KREMEN1: variants seen among roughly 807,000 people sequenced by gnomAD.
The protein encoded by KREMEN1 is kremen protein 1.
KREMEN1 carries 30 observed loss-of-function variants against 46.5 expected under a neutral mutation model. That is an observed-to-expected ratio of 0.65 (90% CI 0.48 to 0.88). The LOEUF (loss-of-function observed/expected upper bound fraction) is 0.88, where lower values mean the gene tolerates loss of function less well. Among genes scored for constraint, KREMEN1 ranks in the 40% least tolerant of loss-of-function variants. The pLI, the probability that KREMEN1 is intolerant of heterozygous loss-of-function variation, is 0.00. For missense variants in KREMEN1, 533 were observed against 596.9 expected (o/e 0.89, Z 1.11); for synonymous variants, 214 against 230.6 (o/e 0.93, Z 0.65).
intron 7 of KREMEN1, among the ~76,000 whole-genome samples, chr22:29,139,518 G>A (rs1465362658): frequency 2.6e-5 from 4 of 152,164 alleles, no homozygotes; most frequent in East Asian, 1.9e-4. Context: ...TGGGAGGATC[G>A]CTTGAGCCCA....
chr22:29,101,687 T>C (rs1227443412), intron 3 of KREMEN1, among the ~76,000 whole-genome samples: 1 of 152,240 alleles, frequency 6.6e-6, no homozygotes, highest in African/African-American at 2.4e-5. Flanking sequence ...CTTACCATTA[T>C]GTTACAGTTG....
At chr22:29,106,972 A>ATGGGATC (rs1327314511) in intron 3 of KREMEN1, among the ~76,000 whole-genome samples, 1 of 152,082 alleles carries the variant, frequency 6.6e-6, no homozygotes, top group Non-Finnish European at 1.5e-5. Flanking sequence ...GCAGGCTGAG[A>ATGGGATC]TGGGATCTGG....
chr22:29,095,206 C>T (rs1178553155), intron 2 of KREMEN1, among the ~76,000 whole-genome samples: 2 of 152,184 alleles, frequency 1.3e-5, no homozygotes, highest in East Asian at 1.9e-4. Context: ...CAGCTGTATC[C>T]ATCAGATGTG....
rs566213288 is a variant in KREMEN1 at position 29,156,830 on chromosome 22, A to T, written c.1417-10214A>T. ...GACCAGGCTCCCCGCTCAACTCTAC[A>T]TACGGTGCCTTATTTCCTTTGACTC... is the stretch of plus-strand genomic sequence containing the variant. On this transcript the variant is annotated intron_variant, in intron 9 of 9. Transcript: ENST00000327813. Among the ~76,000 whole-genome samples, 4 of 152,312 alleles carry T rather than the reference A, an allele frequency of 2.6e-5. 1 individual carries two copies. The highest frequency in any genetic ancestry group is 9.6e-5 in the African/African-American group (4 of 41,570).
chr22:29,092,592 G>A (rs2037821276), intron 1 of KREMEN1, among the ~76,000 whole-genome samples: 1 of 152,204 alleles, frequency 6.6e-6, no homozygotes, highest in Non-Finnish European at 1.5e-5. Context: ...GAACTTATTT[G>A]TGCAGACTCT....
At chr22:29,106,833 G>A (rs1488741122) in intron 3 of KREMEN1, among the ~76,000 whole-genome samples, 1 of 152,190 alleles carries the variant, frequency 6.6e-6, no homozygotes, top group Non-Finnish European at 1.5e-5. Flanking sequence ...TATTAAGATT[G>A]CTTTTGTGAC....
At chr22:29,165,393 G>A (rs1416809227) in intron 9 of KREMEN1, among the ~76,000 whole-genome samples, 10 of 150,580 alleles carry the variant, frequency 6.6e-5, no homozygotes. Context: ...CAGAGCAAGA[G>A]CCTGTCACAA....
intron 3 of KREMEN1, among the ~76,000 whole-genome samples, chr22:29,111,261 T>A (rs1162896810): frequency 6.6e-6 from 1 of 150,712 alleles, no homozygotes; most frequent in African/African-American, 2.4e-5. Context: ...TGAGTATGAT[T>A]GTATCACTGC....
At chr22:29,093,873 G>A (rs1183339758) in intron 1 of KREMEN1, among the ~76,000 whole-genome samples, 2 of 152,208 alleles carry the variant, frequency 1.3e-5, no homozygotes, top group Non-Finnish European at 2.9e-5. Context: ...AGCCACTGGC[G>A]AGAGCAGTGA....
intron 5 of KREMEN1, among the ~76,000 whole-genome samples, chr22:29,126,549 A>G (rs1338591468): frequency 1.3e-5 from 2 of 152,116 alleles, no homozygotes; most frequent in African/African-American, 4.8e-5. Flanking sequence ...GGAACCAATC[A>G]TTGGATTTAG....
chr22:29,138,654 C>T lies in KREMEN1; in HGVS notation c.995C>T (p.Pro332Leu), dbSNP rs760095018. 6.2e-7 allele frequency: 1 copy of T among 1,614,186 alleles called. No individual in the cohort carries two copies. Among genetic ancestry groups the T allele is most frequent in the Admixed American group, 1.7e-5 (1 of 60,028 alleles). The change falls in exon 7 of 9, where the codon CCC (proline) becomes CTC (leucine). Residue 332 changes from proline to leucine, a missense_variant. Coordinates refer to ENST00000400335, the MANE Select transcript of KREMEN1 (RefSeq NM_001039570.3). ...AAGGAAGAACTGCCACAGGAGAGGC[C>T]CGCTGTCAACCAGACGGTGGCCGAG... ...AVKEELPQER[P>L]AVNQTVAEVI...
At position 29,125,297 on chromosome 22, in the gene KREMEN1, G is replaced by T. The variant is rs766694351; in HGVS notation, c.512G>T (p.Cys171Phe). 11 of 1,614,200 alleles carry T rather than the reference G, an allele frequency of 6.8e-6. No homozygotes were observed. Among genetic ancestry groups the T allele is most frequent in the Non-Finnish European group, 9.3e-6 (11 of 1,180,030 alleles). Reference sequence around the variant, plus strand: ...ATGGAGTCAGGCTATGCTTGCTTCTGTGGAAACAATCCTGATTACTGGAAG... The same window carrying T: ...ATGGAGTCAGGCTATGCTTGCTTCTTTGGAAACAATCCTGATTACTGGAAG... ...AGMESGYACF[C>F]GNNPDYWKYG... Residue 171 changes from cysteine to phenylalanine, a missense_variant, in exon 5 of 9, where the codon TGT (cysteine) becomes TTT (phenylalanine). Cys to Phe is a radical substitution (Grantham distance 205, BLOSUM62 -2). Transcript: ENST00000400335.
At chr22:29,087,073 G>A (rs1022589236) in intron 1 of KREMEN1, among the ~76,000 whole-genome samples, 7 of 151,994 alleles carry the variant, frequency 4.6e-5, no homozygotes, top group Admixed American at 2.0e-4. Flanking sequence ...ATTAAAAAAA[G>A]CATTTATACC....
In KREMEN1 at chr22:29,142,269, C is replaced by T. The variant is rs972216456; in HGVS notation, c.*157C>T. 68 of 1,337,414 alleles carry T rather than the reference C, an allele frequency of 5.1e-5. No individual in the cohort carries two copies. The highest frequency in any genetic ancestry group is 6.3e-5 in the Non-Finnish European group (66 of 1,049,230). 82.8% of individuals were successfully genotyped at this position (1,337,414 alleles called of 1,614,324 possible). A position where few individuals can be genotyped will look rare whatever the true frequency, so the allele number is the denominator to read the frequency against. The stretch of plus-strand genomic sequence containing the variant: ...TCCTCCTACAGACTAGGAAGAGGCA[C>T]CCTGCTGCCAGGGCAGGCAGAGCCT... On this transcript the variant is annotated 3_prime_UTR_variant, in exon 9 of 9. Transcript: ENST00000400335.
chr22:29,162,450 C>T (rs2039019936), intron 9 of KREMEN1, among the ~76,000 whole-genome samples: 1 of 151,986 alleles, frequency 6.6e-6, no homozygotes, highest in Non-Finnish European at 1.5e-5. Flanking sequence ...GGCACAGTGG[C>T]TCACACCTAT....
chr22:29,159,060 T>C (rs1176694316), intron 9 of KREMEN1, among the ~76,000 whole-genome samples: 1 of 151,488 alleles, frequency 6.6e-6, no homozygotes, highest in African/African-American at 2.4e-5. Context: ...CCACAAGTGA[T>C]CCACCTGCCT....
At chr22:29,161,246 G>A (rs1369368456) in intron 9 of KREMEN1, among the ~76,000 whole-genome samples, 5 of 152,096 alleles carry the variant, frequency 3.3e-5, no homozygotes, top group South Asian at 2.1e-4. Flanking sequence ...GGTGGCTCAT[G>A]CCTGTGATCC....
At chr22:29,147,601 C>T (rs915678077), downstream of KREMEN1, among the ~76,000 whole-genome samples, 10 of 152,158 alleles carry the variant, frequency 6.6e-5, no homozygotes, top group African/African-American at 9.7e-5. Flanking sequence ...AGGGTTTCAG[C>T]GGAGGAGTGA....
intron 1 of KREMEN1, among the ~76,000 whole-genome samples, chr22:29,080,945 T>C (rs1601748750): frequency 6.7e-6 from 1 of 150,014 alleles, no homozygotes; most frequent in Non-Finnish European, 1.5e-5. Flanking sequence ...TTTGTCCTTT[T>C]TTTTTTTTTT....
Sources: gnomAD v4.1 joint callset for allele counts (sites outside exome capture counted in the v4.1 genomes callset) on GRCh38, gnomAD v4.1.1 for gene constraint, MANE v1.5 for transcripts, NCBI Gene and HGNC (gene_info 2026-07-23, HGNC 2026-07-21) for gene names.